Variants in ELOVL2 observed in about 807,000 individuals in gnomAD.
ELOVL2 encodes the protein very long chain fatty acid elongase 2.
In ELOVL2, 38 loss-of-function variants were observed where a neutral mutation model predicts 37.7. That is an observed-to-expected ratio of 1.01 (90% CI 0.78 to 1.32). The LOEUF is 1.32. Ranked by LOEUF, ELOVL2 falls within the 40% of genes most tolerant of loss-of-function variation. The probability of loss-of-function intolerance (pLI) is 0.00; values close to 1 mark genes in which losing one functional copy is unlikely to be tolerated. For synonymous variants in ELOVL2, 115 were observed against 122.3 expected (o/e 0.94, Z 0.40); for missense variants, 352 against 363.6 (o/e 0.97, Z 0.26).
chr6:10,995,147 G>C lies in ELOVL2; in HGVS notation c.365C>G (p.Ser122Cys). 6.2e-7 allele frequency: 1 copy of C among 1,612,418 alleles called. No homozygotes were observed. Among genetic ancestry groups the C allele is most frequent in the Non-Finnish European group, 8.5e-7 (1 of 1,179,326 alleles). ...VAKVLWWYYF[S>C]KSVEFLDTIF... Reference sequence around the variant, plus strand: ...TGTGTCCAGGAACTCTACTGATTTGGAGAAATAGTACCACCAAAGCACCTT... The same window carrying C: ...TGTGTCCAGGAACTCTACTGATTTGCAGAAATAGTACCACCAAAGCACCTT... Residue 122 changes from serine (S) to cysteine (C), a missense_variant, in exon 5 of 8, where the codon TCC becomes TGC. By Grantham distance (112) the Ser-to-Cys change is moderately radical. Coordinates refer to ENST00000354666, the MANE Select transcript of ELOVL2 (RefSeq NM_017770.4).
chr6:11,000,251 T>G (rs1782359212), intron 3 of ELOVL2, 87 bp from the exon 4 acceptor site: 1 of 1,265,258 alleles, frequency 7.9e-7, no homozygotes, highest in Non-Finnish European at 1.1e-6. Flanking sequence ...GTCTCTGGCA[T>G]CTGTTCAAGG....
At position 11,005,543 on chromosome 6, in the gene ELOVL2, C is replaced by T. The variant is rs559223553; in HGVS notation, c.84G>A (p.Gly28=). The part of the protein sequence containing the change: ...MFGPRDSRVR[G]WFMLDSYLPT... Reference sequence around the variant, plus strand: ...GAAGGTAAGAGTCCAACATGAACCACCCTCTGACTCGAGAATCTGAAAAGA... The same window carrying T: ...GAAGGTAAGAGTCCAACATGAACCATCCTCTGACTCGAGAATCTGAAAAGA... Residue 28 remains glycine (G), a synonymous_variant, in exon 3 of 8, where the codon GGG becomes GGA. Coordinates refer to ENST00000354666, the MANE Select transcript of ELOVL2 (RefSeq NM_017770.4). 380 of 1,612,738 alleles carry T rather than the reference C, an allele frequency of 2.4e-4. 2 individuals are homozygous for T. The Middle Eastern group carries it at 5.1e-3, about 22-fold the overall frequency.
At position 10,981,332 on chromosome 6, in the gene ELOVL2, TTAAAA is replaced by T. The variant is rs1448933643; in HGVS notation, c.*2444_*2448del. The T allele has an allele frequency of 5.2e-5, 8 of 152,664 alleles. No individual in the cohort carries two copies. The highest frequency in any genetic ancestry group is 7.2e-5 in the African/African-American group (3 of 41,456). The allele number at this position is 152,664 out of a possible 1,614,324, so 9.5% of individuals were successfully genotyped here. A position where few individuals can be genotyped will look rare whatever the true frequency, so the allele number is the denominator to read the frequency against. Reference sequence around the variant, plus strand: ...TTTCAATAGTTTTAGAAAAATCACATTAAAATAAGCATTTTGGTTTTTTGAAGTTA... The same window carrying T: ...TTTCAATAGTTTTAGAAAAATCACATTAAGCATTTTGGTTTTTTGAAGTTA... On this transcript the variant is annotated 3_prime_UTR_variant, in exon 8 of 8. Transcript: ENST00000354666.
intron 1 of ELOVL2, among the ~76,000 whole-genome samples, chr6:11,022,153 A>G (rs988306057): frequency 2.6e-5 from 4 of 152,114 alleles, no homozygotes; most frequent in African/African-American, 9.7e-5. Flanking sequence ...CTCTACCAGA[A>G]CAGAAAAGAG....
intron 1 of ELOVL2, among the ~76,000 whole-genome samples, chr6:11,027,424 G>C (rs1484327516): frequency 6.6e-6 from 1 of 152,076 alleles, no homozygotes; most frequent in African/African-American, 2.4e-5. Context: ...GAAATAATTG[G>C]TTTCTACAAT....
At chr6:10,988,244 TCA>T (rs780361234) in intron 7 of ELOVL2, among the ~76,000 whole-genome samples, 1 of 152,360 alleles carries the variant, frequency 6.6e-6, no homozygotes, top group African/African-American at 2.4e-5. Flanking sequence ...CTGTCAAAAT[TCA>T]GTTTCCACTG....
rs771179954 is a variant in ELOVL2 at position 10,989,776 on chromosome 6, G to A, written c.692C>T (p.Pro231Leu). 3.1e-6 allele frequency: 5 copies of A among 1,614,180 alleles called. No individual in the cohort carries two copies. The South Asian group carries it at 4.4e-5, about 14-fold the overall frequency. Reference sequence around the variant, plus strand: ...TGACTGGAAGATGAGACAACCGAAGGGGAAGCCACACGGTTTCACGACGGC... The same window carrying A: ...TGACTGGAAGATGAGACAACCGAAGAGGAAGCCACACGGTTTCACGACGGC... The part of the protein sequence containing the change: ...MSAVVKPCGF[P>L]FGCLIFQSSY... Residue 231 changes from proline to leucine, a missense_variant, in exon 7 of 8, where the codon CCC becomes CTC. By Grantham distance (98) the Pro-to-Leu change is moderately conservative. Transcript: ENST00000354666.
chr6:11,005,066 C>T (rs1265107066), intron 3 of ELOVL2, among the ~76,000 whole-genome samples: 2 of 151,648 alleles, frequency 1.3e-5, no homozygotes, highest in Non-Finnish European at 2.9e-5. Flanking sequence ...GGCTGAGGCA[C>T]GAGAATCGCT....
intron 1 of ELOVL2, among the ~76,000 whole-genome samples, chr6:11,020,668 A>C (rs1444902141): frequency 1.3e-5 from 2 of 152,336 alleles, no homozygotes; most frequent in Admixed American, 1.3e-4. Context: ...CAACCCAAAC[A>C]AAACCATGAG....
intron 1 of ELOVL2, among the ~76,000 whole-genome samples, chr6:11,030,570 C>A (rs187892693): frequency 4.6e-5 from 7 of 152,232 alleles, no homozygotes; most frequent in Non-Finnish European, 1.0e-4. Context: ...CGGCTCACTG[C>A]AAGCTCTGCC....
chr6:10,985,166 T>C (rs1782024612), intron 7 of ELOVL2, among the ~76,000 whole-genome samples: 1 of 152,172 alleles, frequency 6.6e-6, no homozygotes, highest in Non-Finnish European at 1.5e-5. Context: ...ATGTCTTCTT[T>C]TGAGAAGTGT....
chr6:10,984,863 T>C (rs1782018148), intron 7 of ELOVL2, among the ~76,000 whole-genome samples: 1 of 152,190 alleles, frequency 6.6e-6, no homozygotes, highest in Non-Finnish European at 1.5e-5. Flanking sequence ...TATAGTCCTT[T>C]GGGTATATAC....
intron 3 of ELOVL2, among the ~76,000 whole-genome samples, chr6:11,001,084 T>C (rs1782371011): frequency 6.6e-6 from 1 of 152,210 alleles, no homozygotes; most frequent in Non-Finnish European, 1.5e-5. Flanking sequence ...TTCTGCTGCC[T>C]TAGAGATGTA....
Position 11,044,144 on chromosome 6 carries a change from G to A in ELOVL2, c.3+84C>T. On this transcript the variant is annotated intron_variant, in intron 1 of 7. Coordinates refer to ENST00000354666, the MANE Select transcript of ELOVL2 (RefSeq NM_017770.4). The surrounding 1 kb of genome is among the most constrained non-coding windows in gnomAD (Gnocchi z 5.6). ...ACCCGCAGCGCCCGCGCCGGCGCCC[G>A]CTCGGCCCTTTCCCGCCCGGTGCGT... 4 of 1,377,234 alleles carry A rather than the reference G, an allele frequency of 2.9e-6. No individual in the cohort carries two copies. The highest frequency in any genetic ancestry group is 3.3e-5 in the Admixed American group (1 of 30,764). The allele number at this position is 1,377,234 out of a possible 1,614,324, so 85.3% of individuals were successfully genotyped here. A position where few individuals can be genotyped will look rare whatever the true frequency, so the allele number is the denominator to read the frequency against.
chr6:11,010,149 G>C (rs1411671625), intron 2 of ELOVL2, among the ~76,000 whole-genome samples: 2 of 151,152 alleles, frequency 1.3e-5, no homozygotes, highest in Admixed American at 1.3e-4. Context: ...TCAGCCTCCT[G>C]AGTAGCTAGG....
At chr6:10,985,914 A>T (rs1324007906) in intron 7 of ELOVL2, among the ~76,000 whole-genome samples, 11 of 152,040 alleles carry the variant, frequency 7.2e-5, no homozygotes, top group Non-Finnish European at 1.2e-4. Flanking sequence ...TGGGGATGGC[A>T]TTGAATCTAT....
At chr6:10,990,203 G>A in intron 6 of ELOVL2, 115 bp downstream of exon 6, 2 of 1,360,634 alleles carry the variant, frequency 1.5e-6, no homozygotes, top group South Asian at 1.4e-5. Context: ...GCCAATTTTG[G>A]AAAAAAAATG....
intron 5 of ELOVL2, among the ~76,000 whole-genome samples, chr6:10,994,556 T>C (rs1184676616): frequency 6.6e-6 from 1 of 151,860 alleles, no homozygotes; most frequent in African/African-American, 2.4e-5. Context: ...TTTTAAAAAA[T>C]GGAAAATCTG....
intron 1 of ELOVL2, 57 bp from the exon 2 acceptor site, chr6:11,010,866 T>A: frequency 2.7e-5 from 37 of 1,391,774 alleles, no homozygotes; most frequent in Admixed American, 2.6e-4. Flanking sequence ...TTTGAAACGG[T>A]CAAAACAAGC....
Sources: allele counts gnomAD v4.1 joint callset (sites outside exome capture counted in the v4.1 genomes callset), GRCh38; gene constraint gnomAD v4.1.1; non-coding constraint Gnocchi (gnomAD v3.1); transcripts MANE v1.5; gene names NCBI Gene and HGNC (gene_info 2026-07-23, HGNC 2026-07-21).